RAP1GDS1: variants seen among roughly 807,000 people sequenced by gnomAD.
RAP1GDS1 encodes the protein Rap1 GTPase-GDP dissociation stimulator 1, also known as RAP1, GTP-GDP dissociation stimulator 1.
A neutral mutation model predicts 71.1 loss-of-function variants in RAP1GDS1; 35 were observed. That is an observed-to-expected ratio of 0.49 (90% CI 0.38 to 0.65). The LOEUF (loss-of-function observed/expected upper bound fraction) is 0.65, where lower values mean the gene tolerates loss of function less well. Ranked by LOEUF, RAP1GDS1 falls within the 30% of genes least tolerant of loss-of-function variation. The pLI, the probability that RAP1GDS1 is intolerant of heterozygous loss-of-function variation, is 0.00. For synonymous variants in RAP1GDS1, 229 were observed against 243.1 expected (o/e 0.94, Z 0.54); for missense variants, 663 against 706.1 (o/e 0.94, Z 0.69).
chr4:98,364,721 A>T (rs184094187), intron 4 of RAP1GDS1, among the ~76,000 whole-genome samples: 87 of 144,996 alleles, frequency 6.0e-4, no homozygotes, highest in East Asian at 2.0e-4. Flanking sequence ...AGCTTTATTT[A>T]AAAAAAAAAA....
At chr4:98,334,413 A>G (rs1734416557) in intron 2 of RAP1GDS1, among the ~76,000 whole-genome samples, 1 of 152,230 alleles carries the variant, frequency 6.6e-6, no homozygotes, top group Non-Finnish European at 1.5e-5. Flanking sequence ...GCTGAATTGT[A>G]TGAGAAAAAC....
In RAP1GDS1 at chr4:98,424,016, A is replaced by G. The variant is rs527344700; in HGVS notation, c.1440+2622A>G. Among the ~76,000 whole-genome samples the G allele has an allele frequency of 1.8e-4, 27 of 152,312 alleles. 1 individual carries two copies. The South Asian group carries it at 4.8e-3, about 27-fold the overall frequency. On this transcript the variant is annotated intron_variant, in intron 12 of 14. Transcript: ENST00000408927. ...AAACAAATTTCATATGGGTTATTCA[A>G]CTAGAAGCAGCGAGGATGGAAAAGA...
At chr4:98,340,967 C>G (rs552493059) in intron 2 of RAP1GDS1, among the ~76,000 whole-genome samples, 1 of 152,004 alleles carries the variant, frequency 6.6e-6, no homozygotes, top group African/African-American at 2.4e-5. Context: ...CACCAAACCC[C>G]CATGACATGC....
At chr4:98,380,518 A>T (rs753177538) in intron 5 of RAP1GDS1, among the ~76,000 whole-genome samples, 17 of 151,824 alleles carry the variant, frequency 1.1e-4, no homozygotes, top group Non-Finnish European at 1.8e-4. Context: ...TCTTCATAGG[A>T]TAAGTTACAT....
intron 5 of RAP1GDS1, 114 bp downstream of exon 5, chr4:98,379,277 A>G (rs1260679208): frequency 1.7e-5 from 18 of 1,074,308 alleles, no homozygotes; most frequent in East Asian, 2.8e-5. Context: ...CGTAAGTGGC[A>G]TATAAAATTA....
chr4:98,335,276 C>G (rs936216354), intron 2 of RAP1GDS1, among the ~76,000 whole-genome samples: 2 of 152,068 alleles, frequency 1.3e-5, no homozygotes, highest in Admixed American at 1.3e-4. Flanking sequence ...CATCAGGCTA[C>G]AAGGATCAAT....
chr4:98,437,486 A>T (rs1751296004), intron 14 of RAP1GDS1, among the ~76,000 whole-genome samples: 1 of 152,148 alleles, frequency 6.6e-6, no homozygotes, highest in African/African-American at 2.4e-5. Context: ...GTATGCCATA[A>T]TATTAACTAA....
rs2110190589 is a variant in RAP1GDS1, at chr4:98,420,051, G to A, written c.1207G>A (p.Val403Ile). 1 of 1,606,458 alleles carries A rather than the reference G, an allele frequency of 6.2e-7. No homozygotes were observed. Among genetic ancestry groups the A allele is most frequent in the Non-Finnish European group, 8.5e-7 (1 of 1,176,108 alleles). Reference protein sequence around the residue: ...INKAKMLSAGVTEAVLKFLKS... With the variant: ...INKAKMLSAGITEAVLKFLKS... ...TAAAGCAAAGATGTTATCAGCTGGG[G>A]TCACAGAGGCAGTTTTGAAATTTCT... The change falls in exon 11 of 15, where the codon GTC (valine) becomes ATC (isoleucine). Residue 403 changes from valine to isoleucine, a missense_variant. Physicochemically the swap from Val to Ile is conservative, Grantham distance 29. Transcript: ENST00000408927.
chr4:98,424,064 T>C (rs1467216155), intron 12 of RAP1GDS1, among the ~76,000 whole-genome samples: 1 of 152,098 alleles, frequency 6.6e-6, no homozygotes, highest in East Asian at 1.9e-4. Context: ...GAGAAAAATA[T>C]GGGTGGTAGA....
chr4:98,407,633 A>G (rs1291015637), intron 7 of RAP1GDS1, among the ~76,000 whole-genome samples: 1 of 152,208 alleles, frequency 6.6e-6, no homozygotes, highest in Non-Finnish European at 1.5e-5. Flanking sequence ...ATGTGTACAC[A>G]AAGGCATAGA....
At chr4:98,347,985 C>A (rs536589757) in intron 3 of RAP1GDS1, among the ~76,000 whole-genome samples, 21 of 152,162 alleles carry the variant, frequency 1.4e-4, no homozygotes, top group African/African-American at 4.3e-4. Context: ...TATTATTATT[C>A]TTTAAGTTCT....
chr4:98,331,462 G>C (rs551175282), intron 2 of RAP1GDS1, among the ~76,000 whole-genome samples: 2 of 152,074 alleles, frequency 1.3e-5, no homozygotes, highest in Admixed American at 1.3e-4. Context: ...AGTGGCTATG[G>C]TTAAAAATCC....
At chr4:98,334,868 G>A (rs1734481566) in intron 2 of RAP1GDS1, among the ~76,000 whole-genome samples, 1 of 141,320 alleles carries the variant, frequency 7.1e-6, no homozygotes. Flanking sequence ...TCCATAAGCA[G>A]TGAGTTTTAT....
rs1183436754 is a variant in RAP1GDS1, at chr4:98,352,483, G to A, written c.243G>A (p.Met81Ile). The A allele has an allele frequency of 6.2e-7, 1 of 1,613,352 alleles. No individual in the cohort carries two copies. Among genetic ancestry groups the A allele is most frequent in the Non-Finnish European group, 8.5e-7 (1 of 1,179,530 alleles). The change falls in exon 4 of 15, where the codon ATG (methionine) becomes ATA (isoleucine). Residue 81 changes from methionine to isoleucine, a missense_variant. Physicochemically the swap from Met to Ile is conservative, Grantham distance 10. Transcript: ENST00000408927. ...CATGTCTCTTATTTTCAGAGTTTAT[G>A]CGAATTCCATGTGTGGATGCTGGAT... ...IIAEVAKNEFMRIPCVDAGLI... is the reference protein window; with the variant it reads ...IIAEVAKNEFIRIPCVDAGLI...
chr4:98,281,629 G>C (rs1415744308), intron 1 of RAP1GDS1, among the ~76,000 whole-genome samples: 1 of 152,144 alleles, frequency 6.6e-6, no homozygotes, highest in Non-Finnish European at 1.5e-5. Context: ...GCCCTGGCGA[G>C]AACTTCCAAC....
chr4:98,271,453 C>T (rs143023888), intron 1 of RAP1GDS1, among the ~76,000 whole-genome samples: 2 of 152,050 alleles, frequency 1.3e-5, no homozygotes, highest in African/African-American at 2.4e-5. Flanking sequence ...CATTTCAAGC[C>T]GCTAAAATAG....
intron 7 of RAP1GDS1, among the ~76,000 whole-genome samples, chr4:98,411,032 C>G (rs916864419): frequency 6.6e-6 from 1 of 152,114 alleles, no homozygotes. Flanking sequence ...ATATTTTATG[C>G]ACTTCTCTGC....
chr4:98,277,770 A>G lies in RAP1GDS1; in HGVS notation c.5-15638A>G, dbSNP rs112223286. 5.1e-4 allele frequency among the ~76,000 whole-genome samples: 77 copies of G among 152,346 alleles called. No individual in the cohort carries two copies. The East Asian group carries it at 6.4e-3, about 13-fold the overall frequency. On this transcript the variant is annotated intron_variant, in intron 1 of 14. Coordinates refer to ENST00000408927, the MANE Select transcript of RAP1GDS1 (RefSeq NM_001100427.2). The stretch of plus-strand genomic sequence containing the variant: ...TACAAAGTCACTACAGATTTAGGTC[A>G]TGCTACTACTCTTAACAACAGTATC...
chr4:98,434,616 T>A (rs1578878197), intron 13 of RAP1GDS1, among the ~76,000 whole-genome samples: 2 of 150,424 alleles, frequency 1.3e-5, no homozygotes, highest in East Asian at 3.9e-4. Flanking sequence ...CAGTTTAACA[T>A]AGCTTTTTTT....
Sources: allele counts gnomAD v4.1 joint callset (sites outside exome capture counted in the v4.1 genomes callset), GRCh38; gene constraint gnomAD v4.1.1; transcripts MANE v1.5; gene names NCBI Gene and HGNC (gene_info 2026-07-23, HGNC 2026-07-21).